Variants in TTC34 observed in about 807,000 individuals in gnomAD.
The protein encoded by TTC34 is tetratricopeptide repeat domain 34.
Under a neutral mutation model 40.7 loss-of-function variants are expected in TTC34, and 44 were observed. That is an observed-to-expected ratio of 1.08 (90% confidence interval 0.85 to 1.39). The LOEUF is 1.39. TTC34 is among the 40% of genes most tolerant of loss of function. TTC34 has a pLI of 0.00. For synonymous variants in TTC34, 422 were observed against 398.6 expected (o/e 1.06, Z -0.70); for missense variants, 884 against 838.0 (o/e 1.05, Z -0.68).
intron 6 of TTC34, among the ~76,000 whole-genome samples, chr1:2,686,285 A>T (rs1640341601): frequency 6.6e-6 from 1 of 151,480 alleles, no homozygotes; most frequent in African/African-American, 2.4e-5. Context: ...CCACACCCCC[A>T]GGCGAGCATC....
intron 6 of TTC34, among the ~76,000 whole-genome samples, chr1:2,688,291 CCA>C (rs1640464024): frequency 6.7e-6 from 1 of 149,614 alleles, no homozygotes; most frequent in Non-Finnish European, 1.5e-5. Context: ...ACCCACACTC[CCA>C]GGCGAGCATC....
intron 6 of TTC34, among the ~76,000 whole-genome samples, chr1:2,759,987 G>C (rs1641642328): frequency 7.1e-6 from 1 of 140,626 alleles, no homozygotes; most frequent in Non-Finnish European, 1.5e-5. Context: ...TGATGGTCTG[G>C]AGAAGCACCC....
At chr1:2,752,807 C>A (rs1236381181) in intron 6 of TTC34, among the ~76,000 whole-genome samples, 2 of 115,674 alleles carry the variant, frequency 1.7e-5, no homozygotes, top group Admixed American at 8.6e-5. Flanking sequence ...TGGAACAGCT[C>A]CCTGCATCCC....
intron 2 of TTC34, among the ~76,000 whole-genome samples, chr1:2,791,907 G>T (rs116397823): frequency 6.7e-6 from 1 of 150,132 alleles, no homozygotes; most frequent in South Asian, 2.1e-4. Flanking sequence ...TCTTCGTATC[G>T]AGTAATTTCT....
chr1:2,775,473 C>G (rs1263472863), intron 6 of TTC34: 1 of 148,656 alleles, frequency 6.7e-6, no homozygotes, highest in Non-Finnish European at 1.5e-5. Flanking sequence ...TACCCACACC[C>G]CCAGGTGTGC....
chr1:2,753,588 C>A (rs1435084613), intron 6 of TTC34, among the ~76,000 whole-genome samples: 2 of 87,150 alleles, frequency 2.3e-5, no homozygotes, highest in African/African-American at 7.2e-5. Context: ...CCCAGGTGAG[C>A]ATCTGACATC....
At position 2,691,049 on chromosome 1, in the gene TTC34, C is replaced by T. The variant is rs1260606599; in HGVS notation, c.2227-45486G>A. Among the ~76,000 whole-genome samples the T allele has an allele frequency of 1.8e-4, 15 of 84,520 alleles. 7 individuals are homozygous for T. 55.4% of individuals were successfully genotyped at this position (84,520 alleles called of 152,430 possible). On this transcript the variant is annotated intron_variant, in intron 6 of 8. Transcript: ENST00000401095. The stretch of plus-strand genomic sequence containing the variant: ...CAGGCGAGCATCTGACAGCCTCGGT[C>T]AGCACCCACAAACCCAGGTGAGCAT...
At chr1:2,677,770 AC>A (rs1639967734) in intron 6 of TTC34, among the ~76,000 whole-genome samples, 1 of 50,890 alleles carries the variant, frequency 2.0e-5, no homozygotes, top group African/African-American at 8.4e-5. Flanking sequence ...CAGCACCCAC[AC>A]CCCCAGGTGA....
chr1:2,752,603 GGA>G (rs1641361353), intron 6 of TTC34, among the ~76,000 whole-genome samples: 2 of 24,496 alleles, frequency 8.2e-5, no homozygotes, highest in African/African-American at 5.6e-4. Context: ...ACCTGGAACA[GGA>G]CAAACACCCC....
chr1:2,684,662 G>C (rs1228482450), intron 6 of TTC34, among the ~76,000 whole-genome samples: 3 of 112,222 alleles, frequency 2.7e-5, no homozygotes, highest in Admixed American at 9.1e-5. Context: ...CGACAGCCTG[G>C]AGCAGCACCC....
At chr1:2,656,351 T>A (rs1230043394) in intron 6 of TTC34, among the ~76,000 whole-genome samples, 1 of 139,700 alleles carries the variant, frequency 7.2e-6, no homozygotes, top group Non-Finnish European at 1.5e-5. Flanking sequence ...GGTGAGCATC[T>A]GACAGCCTGG....
In TTC34 at chr1:2,787,247, C is replaced by T. The variant is rs372450900; in HGVS notation, c.1854+234G>A. On this transcript the variant is annotated intron_variant, in intron 4 of 8. Transcript: ENST00000401095. ...ACGCATGCAGGGAAACTGCCGGCCCCGGGGACCTGCCCCAGCCGATTTCCA... is the reference window on the plus strand; with the variant it reads ...ACGCATGCAGGGAAACTGCCGGCCCTGGGGACCTGCCCCAGCCGATTTCCA... Among the ~76,000 whole-genome samples the T allele has an allele frequency of 8.7e-4, 133 of 152,190 alleles. 2 individuals are homozygous for T. The highest frequency in any genetic ancestry group is 9.6e-4 in the East Asian group (5 of 5,190).
rs1161763408 is a variant in TTC34, at chr1:2,685,278, C to T, written c.2227-39715G>A. On this transcript the variant is annotated intron_variant, in intron 6 of 8. Transcript: ENST00000401095. ...TGAGAGCCTGGAACAGCACCCTGCA[C>T]CCCCAGGTGAGCATCCCACAGCCTG... is the stretch of plus-strand genomic sequence containing the variant. Among the ~76,000 whole-genome samples, 2 of 113,882 alleles carry T rather than the reference C, an allele frequency of 1.8e-5. 1 individual carries two copies. Among genetic ancestry groups the T allele is most frequent in the African/African-American group, 7.7e-5 (2 of 26,098 alleles). 74.7% of individuals were successfully genotyped at this position (113,882 alleles called of 152,430 possible).
intron 6 of TTC34, chr1:2,775,076 A>T (rs1642970907): frequency 2.4e-5 from 3 of 124,716 alleles, no homozygotes; most frequent in African/African-American, 9.5e-5. Flanking sequence ...CCTCCAGGTG[A>T]GCATCCGACA....
At chr1:2,776,313 A>C (rs1338491694) in intron 6 of TTC34, 1 of 127,894 alleles carries the variant, frequency 7.8e-6, no homozygotes, top group African/African-American at 3.8e-5. Flanking sequence ...ACAGCATGGA[A>C]CAAGACCACT....
chr1:2,791,761 T>C (rs1226214491), intron 2 of TTC34, among the ~76,000 whole-genome samples: 1 of 152,142 alleles, frequency 6.6e-6, no homozygotes, highest in Admixed American at 6.5e-5. Flanking sequence ...CCTTGGGACC[T>C]GAGGGTGATG....
intron 6 of TTC34, among the ~76,000 whole-genome samples, chr1:2,750,164 C>T (rs1410640483): frequency 6.6e-4 from 85 of 128,156 alleles, no homozygotes; most frequent in Middle Eastern, 4.6e-3. Context: ...GAACAAACAC[C>T]CCCAGGCGAG....
chr1:2,757,832 C>T lies in TTC34; in HGVS notation c.2226+25777G>A, dbSNP rs1295103998. Among the ~76,000 whole-genome samples the T allele has an allele frequency of 4.5e-4, 66 of 147,536 alleles. 1 individual carries two copies. The highest frequency in any genetic ancestry group is 1.4e-3 in the African/African-American group (55 of 39,684). On this transcript the variant is annotated intron_variant, in intron 6 of 8. Transcript: ENST00000401095. ...CGACAGCCTGGAGCAGCACCCACAC[C>T]CCCAGGTGCGCATCTGATGGTCTGG...
Position 2,645,973 on chromosome 1 carries a change from G to A in TTC34, c.2227-410C>T, listed in dbSNP as rs1302809602. ...GGGGCATCTGTCACCTCACAGTGGG[G>A]GACGCTGGAGCTCCTTGGGTATCCG... On this transcript the variant is annotated intron_variant, in intron 6 of 8. Coordinates refer to ENST00000401095, the Ensembl canonical transcript of TTC34. This position sits in a 1 kb window ranked among gnomAD's most constrained non-coding sequence, Gnocchi z 4.7. Among the ~76,000 whole-genome samples the A allele has an allele frequency of 2.6e-5, 4 of 152,046 alleles. No individual in the cohort carries two copies. The highest frequency in any genetic ancestry group is 2.6e-4 in the Admixed American group (4 of 15,258).
Sources: allele counts gnomAD v4.1 joint callset (sites outside exome capture counted in the v4.1 genomes callset), GRCh38; gene constraint gnomAD v4.1.1; non-coding constraint Gnocchi (gnomAD v3.1); transcripts MANE v1.5; gene names NCBI Gene and HGNC (gene_info 2026-07-23, HGNC 2026-07-21).